Variants in SORCS1 observed in about 807,000 individuals in gnomAD.
SORCS1 encodes the protein sortilin related VPS10 domain containing receptor 1, also known as VPS10 domain-containing receptor SorCS1.
A neutral mutation model predicts 146.1 loss-of-function variants in SORCS1; 60 were observed. That is an observed-to-expected ratio of 0.41 (90% CI 0.33 to 0.51). SORCS1 has a LOEUF of 0.51. SORCS1 is among the 20% of genes least tolerant of loss of function. The pLI, the probability that SORCS1 is intolerant of heterozygous loss-of-function variation, is 0.21. For missense variants in SORCS1, 1,352 were observed against 1,487.6 expected, an observed-to-expected ratio of 0.91 and a Z score of 1.50; for synonymous variants, 637 against 584.0, an observed-to-expected ratio of 1.09 and a Z score of -1.31.
At chr10:106,777,923 G>A (rs1173032098) in intron 3 of SORCS1, among the ~76,000 whole-genome samples, 3 of 152,098 alleles carry the variant, frequency 2.0e-5, no homozygotes, top group Non-Finnish European at 2.9e-5. Flanking sequence ...ATGTGTTGCT[G>A]TATGAAAAGA....
intron 3 of SORCS1, among the ~76,000 whole-genome samples, chr10:106,792,651 C>T (rs115745181): frequency 0.01 from 1,584 of 152,264 alleles, 25 homozygotes; most frequent in African/African-American, 0.035. Context: ...AGCAGGTCTT[C>T]GTAAGCACGG....
chr10:106,918,843 AT>A (rs1048567311), intron 2 of SORCS1, among the ~76,000 whole-genome samples: 3 of 151,170 alleles, frequency 2.0e-5, no homozygotes, highest in Admixed American at 6.6e-5. Flanking sequence ...AGTGTATTAT[AT>A]TTTTTTTTCC....
At chr10:106,735,098 A>G (rs368296386) in intron 5 of SORCS1, among the ~76,000 whole-genome samples, 1 of 151,228 alleles carries the variant, frequency 6.6e-6, no homozygotes, top group Non-Finnish European at 1.5e-5. Flanking sequence ...GTGAGCCGAG[A>G]TCAAGCCAGT....
chr10:106,714,400 G>C (rs1855215915), intron 6 of SORCS1, among the ~76,000 whole-genome samples: 1 of 151,914 alleles, frequency 6.6e-6, no homozygotes. Context: ...TATTATAGAA[G>C]TAGGTTACCA....
intron 1 of SORCS1, among the ~76,000 whole-genome samples, chr10:107,109,529 T>G (rs1228041724): frequency 1.3e-5 from 2 of 152,168 alleles, no homozygotes; most frequent in Non-Finnish European, 2.9e-5. Context: ...CCCAATGGTG[T>G]GGAGTACAGT....
At chr10:106,800,198 T>G (rs781465173) in intron 3 of SORCS1, among the ~76,000 whole-genome samples, 10 of 152,060 alleles carry the variant, frequency 6.6e-5, no homozygotes, top group Non-Finnish European at 1.3e-4. Context: ...CTCTAACCTC[T>G]CAAGCAAAAA....
At chr10:106,956,773 A>T (rs1954964485) in intron 1 of SORCS1, among the ~76,000 whole-genome samples, 193 bp from the exon 2 acceptor site, 1 of 152,150 alleles carries the variant, frequency 6.6e-6, no homozygotes, top group African/African-American at 2.4e-5. Flanking sequence ...GCTTAGGCCT[A>T]TCCTCTCCCC....
chr10:106,768,575 T>C (rs1022169272), intron 4 of SORCS1, among the ~76,000 whole-genome samples: 3 of 152,254 alleles, frequency 2.0e-5, no homozygotes, highest in Non-Finnish European at 4.4e-5. Flanking sequence ...GGTTTTCTAT[T>C]GTTATAATCA....
At chr10:106,696,424 T>C (rs963832978) in intron 9 of SORCS1, among the ~76,000 whole-genome samples, 1 of 152,220 alleles carries the variant, frequency 6.6e-6, no homozygotes, top group African/African-American at 2.4e-5. Flanking sequence ...ATATTCTTTC[T>C]ATCTAGGTAA....
intron 3 of SORCS1, among the ~76,000 whole-genome samples, chr10:106,803,122 C>T (rs1227522602): frequency 6.6e-6 from 1 of 152,128 alleles, no homozygotes; most frequent in African/African-American, 2.4e-5. Flanking sequence ...CGACACCAAC[C>T]TAGAACGCAG....
intron 1 of SORCS1, among the ~76,000 whole-genome samples, chr10:106,978,781 G>C (rs1956139800): frequency 6.9e-6 from 1 of 145,650 alleles, no homozygotes; most frequent in African/African-American, 2.6e-5. Context: ...CTGGGCGACA[G>C]AATGAGACTC....
At chr10:106,786,598 A>G (rs1946064343) in intron 3 of SORCS1, among the ~76,000 whole-genome samples, 1 of 152,106 alleles carries the variant, frequency 6.6e-6, no homozygotes, top group Non-Finnish European at 1.5e-5. Flanking sequence ...TATTGGTCAA[A>G]GAATTCTGGG....
At chr10:106,897,203 C>T (rs1951523321) in intron 2 of SORCS1, among the ~76,000 whole-genome samples, 2 of 144,098 alleles carry the variant, frequency 1.4e-5, no homozygotes, top group East Asian at 2.1e-4. Context: ...TTTTTAAAGG[C>T]AGGGTCTTGC....
rs111568878 is a variant in SORCS1, at chr10:106,613,134, C to T, written c.2921-1111G>A. On this transcript the variant is annotated intron_variant, in intron 21 of 25. Coordinates refer to ENST00000263054, the MANE Select transcript of SORCS1 (RefSeq NM_052918.5). ...ATCACTGTAATCATTCTATTGCTAT[C>T]GTTTGTTTGCATGGAAGTTTCATTT... 1.3e-3 allele frequency among the ~76,000 whole-genome samples: 197 copies of T among 152,036 alleles called. 1 individual carries two copies. Among genetic ancestry groups the T allele is most frequent in the African/African-American group, 4.6e-3 (189 of 41,474 alleles).
At chr10:106,882,823 A>G (rs528968950) in intron 2 of SORCS1, among the ~76,000 whole-genome samples, 2 of 152,320 alleles carry the variant, frequency 1.3e-5, no homozygotes, top group African/African-American at 4.8e-5. Flanking sequence ...GAGACGCAGC[A>G]CAGGCTTGGA....
At chr10:107,160,646 T>C (rs1297262583) in intron 1 of SORCS1, among the ~76,000 whole-genome samples, 1 of 152,166 alleles carries the variant, frequency 6.6e-6, no homozygotes, top group African/African-American at 2.4e-5. Context: ...TGTTAACAAA[T>C]CTTGTAATAC....
chr10:106,751,058 C>CA (rs35691571), intron 5 of SORCS1, among the ~76,000 whole-genome samples: 1,173 of 22,430 alleles, frequency 0.052, 494 homozygotes, highest in Middle Eastern at 0.14. Flanking sequence ...GACTCCGTCT[C>CA]AAAAAAAAAA....
chr10:107,056,119 G>C (rs1311135830), intron 1 of SORCS1, among the ~76,000 whole-genome samples: 1 of 152,126 alleles, frequency 6.6e-6, no homozygotes, highest in African/African-American at 2.4e-5. Context: ...CAGGGTAAAA[G>C]TGTCGGGGGG....
intron 1 of SORCS1, among the ~76,000 whole-genome samples, chr10:107,154,217 G>A (rs945223297): frequency 3.3e-5 from 5 of 151,870 alleles, no homozygotes; most frequent in Non-Finnish European, 1.5e-5. Flanking sequence ...TGGCCAGGCT[G>A]GCTTCAAACT....
Sources: gnomAD v4.1 joint callset for allele counts (sites outside exome capture counted in the v4.1 genomes callset) on GRCh38, gnomAD v4.1.1 for gene constraint, MANE v1.5 for transcripts, NCBI Gene and HGNC (gene_info 2026-07-23, HGNC 2026-07-21) for gene names.